NMT2: variants seen among roughly 807,000 people sequenced by gnomAD.
The protein encoded by NMT2 is N-myristoyltransferase 2, also known as glycylpeptide N-tetradecanoyltransferase 2.
Under a neutral mutation model 65.4 loss-of-function variants are expected in NMT2, and 35 were observed. The ratio of observed to expected loss-of-function variants is 0.54; its 90% confidence interval spans 0.41 to 0.71. The LOEUF is 0.71. Among genes scored for constraint, NMT2 ranks in the 30% least tolerant of loss-of-function variants. NMT2 has a pLI of 0.00. For missense variants in NMT2, 489 were observed against 611.3 expected, an observed-to-expected ratio of 0.80 and a Z score of 2.11; for synonymous variants, 226 against 231.8, an observed-to-expected ratio of 0.98 and a Z score of 0.23.
chr10:15,132,973 G>A, intron 5 of NMT2, 40 bp from the exon 6 acceptor site: 7 of 1,599,456 alleles, frequency 4.4e-6, no homozygotes, highest in Non-Finnish European at 6.0e-6. Flanking sequence ...ACCAGTTATT[G>A]TCCAAGAACA....
At chr10:15,159,396 A>ATATT (rs112463294) in intron 1 of NMT2, among the ~76,000 whole-genome samples, 3,088 of 149,302 alleles carry the variant, frequency 0.021, 52 homozygotes, top group East Asian at 0.071. Context: ...CCTCCTTAAA[A>ATATT]TATTTATTTA....
At chr10:15,119,634 G>A in intron 8 of NMT2, 121 bp from the exon 9 acceptor site, 1 of 734,438 alleles carries the variant, frequency 1.4e-6, no homozygotes, top group South Asian at 1.7e-5. Context: ...GCTAGTTAGA[G>A]CTGCAGAGCC....
chr10:15,144,584 T>A (rs910923200), intron 1 of NMT2, among the ~76,000 whole-genome samples: 6 of 152,034 alleles, frequency 3.9e-5, no homozygotes, highest in South Asian at 2.1e-4. Flanking sequence ...ACAAAAAATT[T>A]GCTGGGCGTG....
At chr10:15,161,081 CAAAAAAAAAAAAA>C (rs750859200) in intron 1 of NMT2, among the ~76,000 whole-genome samples, 665 of 19,318 alleles carry the variant, frequency 0.034, 7 homozygotes, top group African/African-American at 0.11. Context: ...CCTCAAAAAT[CAAAAAAAAAAAAA>C]AAAAAAAAAA....
At chr10:15,149,367 C>T (rs1292117145) in intron 1 of NMT2, among the ~76,000 whole-genome samples, 1 of 2,066 alleles carries the variant, frequency 4.8e-4, no homozygotes, top group South Asian at 0.056. Context: ...ATTATCATCA[C>T]CATCATCACC....
At chr10:15,110,409 A>G (rs1342134889) in intron 10 of NMT2, among the ~76,000 whole-genome samples, 3 of 152,108 alleles carry the variant, frequency 2.0e-5, no homozygotes, top group African/African-American at 7.2e-5. Context: ...GAGCCCAGGA[A>G]TTTGAAACCA....
At chr10:15,162,344 T>C (rs1833228363) in intron 1 of NMT2, among the ~76,000 whole-genome samples, 1 of 139,472 alleles carries the variant, frequency 7.2e-6, no homozygotes, top group Non-Finnish European at 1.6e-5. Flanking sequence ...GGAAATAAAA[T>C]ACAGAAATTT....
At chr10:15,154,368 C>T (rs12359140) in intron 1 of NMT2, among the ~76,000 whole-genome samples, 1,570 of 152,310 alleles carry the variant, frequency 0.01, 8 homozygotes, top group Non-Finnish European at 0.016. Context: ...ATTGACCTGA[C>T]TCAGGTGCAG....
chr10:15,168,303 G>A, intron 1 of NMT2, 200 bp downstream of exon 1: 1 of 153,132 alleles, frequency 6.5e-6, no homozygotes, highest in Non-Finnish European at 1.3e-5. Context: ...CGCCCACCCC[G>A]GGCCTCGCCT....
intron 1 of NMT2, among the ~76,000 whole-genome samples, chr10:15,153,581 G>C (rs904716832): frequency 6.6e-6 from 1 of 152,182 alleles, no homozygotes; most frequent in South Asian, 2.1e-4. Flanking sequence ...TATTCAAAAA[G>C]TAACATAATG....
chr10:15,154,759 G>A, intron 1 of NMT2: 1 of 640,906 alleles, frequency 1.6e-6, no homozygotes, highest in Non-Finnish European at 2.9e-6. Flanking sequence ...GCTACAAAAG[G>A]AATGGTCTGG....
Position 15,136,178 on chromosome 10 carries a change from G to A in NMT2, c.247-760C>T, listed in dbSNP as rs560454823. On this transcript the variant is annotated intron_variant, in intron 2 of 11. Transcript: ENST00000378165. ...GGAGGTTGCAGTGAGCTGAGATCGC[G>A]CCATTGCACTCCAGCCTGGGTGACA... Among the ~76,000 whole-genome samples, 39 of 150,302 alleles carry A rather than the reference G, an allele frequency of 2.6e-4. No homozygotes were observed. The East Asian group carries it at 5.4e-3, about 21-fold the overall frequency.
chr10:15,163,946 G>A (rs984123376), intron 1 of NMT2, among the ~76,000 whole-genome samples: 13 of 152,112 alleles, frequency 8.5e-5, no homozygotes, highest in Non-Finnish European at 1.6e-4. Context: ...TTGGGAGGCC[G>A]AGGCGGGCGG....
rs748598182 is a variant in NMT2 at position 15,146,411 on chromosome 10, G to A, written c.111-4854C>T. Among the ~76,000 whole-genome samples the A allele has an allele frequency of 4.6e-5, 7 of 152,168 alleles. 1 individual carries two copies. The highest frequency in any genetic ancestry group is 2.1e-4 in the South Asian group (1 of 4,824). On this transcript the variant is annotated intron_variant, in intron 1 of 11. Transcript: ENST00000378165. ...CAGGATGACATCCACAAAACCCATC[G>A]TTTCTCTCTCTGGACTCACAGCTGG...
chr10:15,112,753 C>A, intron 10 of NMT2, 43 bp downstream of exon 10: 1 of 1,562,798 alleles, frequency 6.4e-7, no homozygotes. Flanking sequence ...TTGGCACAGA[C>A]ATTTGGAGAA....
chr10:15,122,250 A>T (rs1166952995), intron 8 of NMT2, among the ~76,000 whole-genome samples: 2 of 152,156 alleles, frequency 1.3e-5, no homozygotes, highest in East Asian at 3.8e-4. Context: ...TTAATAGAGA[A>T]CATTCAGAAA....
chr10:15,130,876 T>G (rs11259508), intron 6 of NMT2, among the ~76,000 whole-genome samples: 23,801 of 149,536 alleles, frequency 0.16, 3,374 homozygotes, highest in African/African-American at 0.38. Context: ...TGTAACCTCT[T>G]ACTCCTGGGT....
chr10:15,167,202 C>T (rs1241204374), intron 1 of NMT2, among the ~76,000 whole-genome samples: 1 of 152,180 alleles, frequency 6.6e-6, no homozygotes, highest in Non-Finnish European at 1.5e-5. Flanking sequence ...ATATTCTAGA[C>T]TCGAACATTC....
chr10:15,155,945 T>C (rs1309338708), intron 1 of NMT2, among the ~76,000 whole-genome samples: 1 of 141,478 alleles, frequency 7.1e-6, no homozygotes, highest in Non-Finnish European at 1.6e-5. Flanking sequence ...AAAAGTCGCA[T>C]CCAGGGCGGG....
Sources: gnomAD v4.1 joint callset for allele counts (sites outside exome capture counted in the v4.1 genomes callset) on GRCh38, gnomAD v4.1.1 for gene constraint, MANE v1.5 for transcripts, NCBI Gene and HGNC (gene_info 2026-07-23, HGNC 2026-07-21) for gene names.